Variants in DIAPH3 observed in about 807,000 individuals in gnomAD.
DIAPH3 encodes the protein protein diaphanous homolog 3.
Under a neutral mutation model 144.3 loss-of-function variants are expected in DIAPH3, and 117 were observed. The observed-to-expected ratio is 0.81, with a 90% CI of 0.70 to 0.95. The LOEUF is 0.95. Among genes scored for constraint, DIAPH3 ranks in the 40% least tolerant of loss-of-function variants. The pLI is 0.00. For missense variants in DIAPH3, 1,421 were observed against 1,412.7 expected, an observed-to-expected ratio of 1.01 and a Z score of -0.09; for synonymous variants, 519 against 488.9, an observed-to-expected ratio of 1.06 and a Z score of -0.81.
intron 25 of DIAPH3, among the ~76,000 whole-genome samples, chr13:59,809,395 G>A (rs2040355357): frequency 6.6e-6 from 1 of 151,936 alleles, no homozygotes; most frequent in African/African-American, 2.4e-5. Flanking sequence ...CAGCCACTCG[G>A]GAGGCTTGAG....
At chr13:60,042,571 G>C in intron 5 of DIAPH3, 119 bp downstream of exon 5, 1 of 1,162,160 alleles carries the variant, frequency 8.6e-7, no homozygotes. Context: ...TAAATATTAG[G>C]TATTCAGTTT....
intron 27 of DIAPH3, among the ~76,000 whole-genome samples, chr13:59,745,346 T>C (rs559775064): frequency 2.0e-5 from 3 of 152,308 alleles, no homozygotes; most frequent in Admixed American, 6.5e-5. Flanking sequence ...CAATTTCTTC[T>C]GGTATATCTG....
At chr13:60,111,521 C>T (rs888212631) in intron 3 of DIAPH3, among the ~76,000 whole-genome samples, 2 of 152,118 alleles carry the variant, frequency 1.3e-5, no homozygotes, top group Non-Finnish European at 2.9e-5. Context: ...AGCTGAGCTC[C>T]GCCTCTTGTC....
intron 27 of DIAPH3, among the ~76,000 whole-genome samples, chr13:59,754,954 C>T (rs1264122327): frequency 6.6e-6 from 1 of 152,168 alleles, no homozygotes; most frequent in African/African-American, 2.4e-5. Context: ...AAGTGACTTG[C>T]TAAAGGTTAC....
Position 59,911,196 on chromosome 13 carries a change from C to A in DIAPH3, c.2367+539G>T, listed in dbSNP as rs573385062. Among the ~76,000 whole-genome samples, 41 of 152,190 alleles carry A rather than the reference C, an allele frequency of 2.7e-4. 1 individual carries two copies. In the South Asian group the frequency reaches 8.5e-3, roughly 32 times the overall value. The stretch of plus-strand genomic sequence containing the variant: ...AAGTTGTAATACATTTAATATATGG[C>A]ATTGGAAATTCTTTTCACCTCTTTA... On this transcript the variant is annotated intron_variant, in intron 20 of 27. Coordinates refer to ENST00000400324, the MANE Select transcript of DIAPH3 (RefSeq NM_001042517.2).
chr13:59,890,219 T>C (rs990430945), intron 20 of DIAPH3, among the ~76,000 whole-genome samples: 1 of 152,084 alleles, frequency 6.6e-6, no homozygotes, highest in Non-Finnish European at 1.5e-5. Flanking sequence ...TCCTTCCCCA[T>C]TAGTGCTCTG....
intron 17 of DIAPH3, among the ~76,000 whole-genome samples, chr13:59,945,802 G>A (rs1323651397): frequency 6.6e-6 from 1 of 152,074 alleles, no homozygotes; most frequent in Non-Finnish European, 1.5e-5. Flanking sequence ...GAGTATTTCT[G>A]TCCTGTTTCC....
At chr13:59,966,259 A>T (rs953956925) in intron 17 of DIAPH3, among the ~76,000 whole-genome samples, 17 of 151,996 alleles carry the variant, frequency 1.1e-4, no homozygotes, top group Non-Finnish European at 2.2e-4. Flanking sequence ...AATAGGTAAG[A>T]TCTAATTGGA....
At chr13:59,905,494 CAATT>C (rs970607277) in intron 20 of DIAPH3, among the ~76,000 whole-genome samples, 7 of 152,006 alleles carry the variant, frequency 4.6e-5, no homozygotes, top group Non-Finnish European at 1.0e-4. Flanking sequence ...TCTTCACTCT[CAATT>C]TATTTAATCC....
intron 22 of DIAPH3, among the ~76,000 whole-genome samples, chr13:59,854,512 A>G (rs368914938): frequency 1.3e-5 from 2 of 152,196 alleles, no homozygotes; most frequent in Non-Finnish European, 2.9e-5. Context: ...AACAAGATTC[A>G]TAAGATTGCC....
chr13:60,075,592 C>T (rs928739353), intron 4 of DIAPH3, among the ~76,000 whole-genome samples: 30 of 152,114 alleles, frequency 2.0e-4, no homozygotes, highest in African/African-American at 6.8e-4. Context: ...TCTCAAGAGA[C>T]AGAAAATATT....
chr13:59,710,928 T>C (rs186439309), intron 27 of DIAPH3, among the ~76,000 whole-genome samples: 13 of 152,332 alleles, frequency 8.5e-5, no homozygotes, highest in African/African-American at 3.1e-4. Context: ...TGAGATGAGT[T>C]TCTTCTGTCA....
intron 25 of DIAPH3, among the ~76,000 whole-genome samples, chr13:59,802,848 A>AT (rs1247284909): frequency 4.5e-4 from 65 of 145,924 alleles, no homozygotes; most frequent in Middle Eastern, 3.5e-3. Flanking sequence ...CGCCCGGCTA[A>AT]TTTTTTTTTG....
intron 27 of DIAPH3, among the ~76,000 whole-genome samples, chr13:59,718,928 C>A (rs920795179): frequency 6.6e-6 from 1 of 151,938 alleles, no homozygotes; most frequent in African/African-American, 2.4e-5. Flanking sequence ...GTAGCCCCCC[C>A]CACCTAACTG....
At chr13:60,065,949 T>C (rs1051641723) in intron 4 of DIAPH3, among the ~76,000 whole-genome samples, 26 of 152,200 alleles carry the variant, frequency 1.7e-4, no homozygotes, top group African/African-American at 6.0e-4. Flanking sequence ...CATGATGATC[T>C]GCAGAAACCT....
At chr13:59,721,924 A>G (rs342579) in intron 27 of DIAPH3, among the ~76,000 whole-genome samples, 146,782 of 152,286 alleles carry the variant, frequency 0.96, 70,983 homozygotes, top group East Asian at 1. Context: ...CACCACCAAA[A>G]TAATGGTCAG....
chr13:59,991,308 T>C, intron 11 of DIAPH3, 34 bp from the exon 12 acceptor site: 2 of 1,373,148 alleles, frequency 1.5e-6, no homozygotes, highest in South Asian at 1.2e-5. Flanking sequence ...GATTTATTTA[T>C]ACTCTACACC....
At chr13:59,701,774 T>C (rs1043656511) in intron 27 of DIAPH3, among the ~76,000 whole-genome samples, 2 of 152,158 alleles carry the variant, frequency 1.3e-5, no homozygotes, top group African/African-American at 4.8e-5. Flanking sequence ...ATAAACATAC[T>C]AACTCAATGG....
At chr13:60,162,887 T>G (rs1018470150) in intron 1 of DIAPH3, among the ~76,000 whole-genome samples, 5 of 151,074 alleles carry the variant, frequency 3.3e-5, no homozygotes, top group Non-Finnish European at 4.4e-5. Context: ...GTGGTCAATG[T>G]GAAATTTCAA....
Sources: gnomAD v4.1 joint callset for allele counts (sites outside exome capture counted in the v4.1 genomes callset) on GRCh38, gnomAD v4.1.1 for gene constraint, MANE v1.5 for transcripts, NCBI Gene and HGNC (gene_info 2026-07-23, HGNC 2026-07-21) for gene names.